The following SERHL2 variants were observed in gnomAD, a reference collection of about 807,000 sequenced individuals.
The protein encoded by SERHL2 is serine hydrolase like 2.
A neutral mutation model predicts 25.5 loss-of-function variants in SERHL2; 29 were observed. The ratio of observed to expected loss-of-function variants is 1.14; its 90% CI spans 0.85 to 1.55. The LOEUF (loss-of-function observed/expected upper bound fraction) is 1.55, where lower values mean the gene tolerates loss of function less well. Ranked by LOEUF, SERHL2 falls within the 40% of genes most tolerant of loss-of-function variation. The probability of loss-of-function intolerance (pLI) is 0.00; values close to 1 mark genes in which losing one functional copy is unlikely to be tolerated. For missense variants in SERHL2, 240 were observed against 252.3 expected, an observed-to-expected ratio of 0.95 and a Z score of 0.33; for synonymous variants, 95 against 103.5, an observed-to-expected ratio of 0.92 and a Z score of 0.50.
At position 42,571,167 on chromosome 22, in the gene SERHL2, C is replaced by T. The variant is rs1924126910; in HGVS notation, c.695C>T (p.Ser232Phe). Residue 232 changes from serine to phenylalanine, a missense_variant, in exon 10 of 12, where the codon TCC becomes TTC. Coordinates refer to ENST00000327678, the MANE Select transcript of SERHL2 (RefSeq NM_014509.5). The part of the protein sequence containing the change: ...DFISRELCAH[S>F]IRKLQAHVLL... ...ATCAGCAGGGAGCTGTGTGCGCATT[C>T]CATCAGGAAGCTGCAGGCCCATGTC... 3.1e-6 allele frequency: 5 copies of T among 1,613,492 alleles called. No individual in the cohort carries two copies. The highest frequency in any genetic ancestry group is 3.4e-6 in the Non-Finnish European group (4 of 1,179,686).
chr22:42,556,041 C>T, intron 4 of SERHL2, 23 bp from the exon 5 acceptor site: 1 of 474,508 alleles, frequency 2.1e-6, no homozygotes, highest in East Asian at 8.7e-5. Context: ...GGGAATGTCA[C>T]CCACAGCTCT....
intron 8 of SERHL2, among the ~76,000 whole-genome samples, chr22:42,561,893 G>A (rs1365192227): frequency 6.6e-6 from 1 of 151,794 alleles, no homozygotes; most frequent in Admixed American, 6.6e-5. Context: ...CCTCACGGAT[G>A]GCTGACCTAG....
At chr22:42,569,052 T>C (rs1469762641) in intron 9 of SERHL2, 1 of 151,092 alleles carries the variant, frequency 6.6e-6, no homozygotes, top group Non-Finnish European at 1.5e-5. Flanking sequence ...GGGTTAATTT[T>C]TTGTATTTTT....
At chr22:42,559,684 A>G (rs933438137) in intron 7 of SERHL2, among the ~76,000 whole-genome samples, 1 of 151,098 alleles carries the variant, frequency 6.6e-6, no homozygotes, top group Admixed American at 6.6e-5. Context: ...GCGCCACTGT[A>G]CTCCAGCCTG....
intron 8 of SERHL2, 32 bp downstream of exon 8, chr22:42,560,297 T>A: frequency 6.8e-7 from 1 of 1,477,036 alleles, no homozygotes; most frequent in Non-Finnish European, 9.5e-7. Context: ...GGCCATTTTA[T>A]ATTTGTCACT....
At chr22:42,560,457 G>A (rs1922551908) in intron 8 of SERHL2, among the ~76,000 whole-genome samples, 192 bp downstream of exon 8, 2 of 151,904 alleles carry the variant, frequency 1.3e-5, no homozygotes, top group South Asian at 4.1e-4. Context: ...AGCAACCCGG[G>A]TGAGGCCATA....
chr22:42,573,977 C>G lies in SERHL2; in HGVS notation c.867C>G (p.His289Gln), dbSNP rs763876317. Residue 289 changes from histidine to glutamine, a missense_variant, in exon 12 of 12, where the codon CAC becomes CAG. His to Gln is a conservative substitution (Grantham distance 24, BLOSUM62 0). Transcript: ENST00000327678. Reference protein sequence around the residue: ...FVEVPGNHCVHMSEPQHVASI... With the variant: ...FVEVPGNHCVQMSEPQHVASI... ...AAGTCCCAGGCAATCACTGTGTCCA[C>G]ATGAGCGAACCCCAGCACGTGGCCA... 1.9e-6 allele frequency: 3 copies of G among 1,609,580 alleles called. No individual in the cohort carries two copies. The highest frequency in any genetic ancestry group is 1.7e-5 in the Admixed American group (1 of 59,928).
At chr22:42,566,113 G>C (rs906399161) in intron 8 of SERHL2, among the ~76,000 whole-genome samples, 191 bp from the exon 9 acceptor site, 11 of 152,210 alleles carry the variant, frequency 7.2e-5, no homozygotes, top group Admixed American at 3.9e-4. Context: ...TCTGTGGCCA[G>C]GTGGCTGTGG....
At chr22:42,554,888 C>CT in intron 1 of SERHL2, 50 bp from the exon 2 acceptor site, 1 of 1,513,802 alleles carries the variant, frequency 6.6e-7, no homozygotes, top group Non-Finnish European at 9.1e-7. Context: ...GGAGCACCAG[C>CT]TTCATGGGTG....
chr22:42,568,770 G>T (rs1352442675), intron 9 of SERHL2, among the ~76,000 whole-genome samples: 2 of 151,972 alleles, frequency 1.3e-5, no homozygotes, highest in Admixed American at 1.3e-4. Flanking sequence ...TTAAAGACCA[G>T]CCTCGCCAAC....
chr22:42,573,013 G>T (rs188302851), intron 11 of SERHL2, among the ~76,000 whole-genome samples: 1 of 151,642 alleles, frequency 6.6e-6, no homozygotes, highest in Non-Finnish European at 1.5e-5. Context: ...CAGAATACCC[G>T]ACTGCCTCAT....
At chr22:42,562,170 A>G (rs1445200314) in intron 8 of SERHL2, among the ~76,000 whole-genome samples, 1 of 151,734 alleles carries the variant, frequency 6.6e-6, no homozygotes, top group Non-Finnish European at 1.5e-5. Flanking sequence ...CTAAAAGAAG[A>G]CAGTACCCAG....
chr22:42,565,985 G>A (rs1334364582), intron 8 of SERHL2, among the ~76,000 whole-genome samples: 1 of 152,048 alleles, frequency 6.6e-6, no homozygotes, highest in African/African-American at 2.4e-5. Context: ...CTAAAGGAAT[G>A]AATGAGTTTC....
chr22:42,562,928 C>T (rs918590555), intron 8 of SERHL2, among the ~76,000 whole-genome samples: 1 of 152,000 alleles, frequency 6.6e-6, no homozygotes, highest in Admixed American at 6.5e-5. Flanking sequence ...AGCGTATTCA[C>T]ACATGCCTGT....
intron 8 of SERHL2, among the ~76,000 whole-genome samples, chr22:42,562,538 G>A (rs1204688367): frequency 1.3e-5 from 2 of 151,844 alleles, no homozygotes; most frequent in African/African-American, 4.8e-5. Flanking sequence ...GGGAGGGCTC[G>A]TGGAGGACGC....
chr22:42,556,384 C>T (rs1922150953), intron 5 of SERHL2, 130 bp from the exon 6 acceptor site: 2 of 723,108 alleles, frequency 2.8e-6, no homozygotes, highest in African/African-American at 3.4e-5. Flanking sequence ...AGATTCTCCT[C>T]TGGCCTCTTG....
chr22:42,566,067 T>G (rs1193529458), intron 8 of SERHL2, among the ~76,000 whole-genome samples: 5 of 151,994 alleles, frequency 3.3e-5, no homozygotes, highest in African/African-American at 1.2e-4. Context: ...ACCGGCCCTT[T>G]GGGGTGGCCG....
intron 8 of SERHL2, 128 bp downstream of exon 8, chr22:42,560,393 C>T (rs1236884506): frequency 7.3e-6 from 5 of 689,086 alleles, no homozygotes; most frequent in Non-Finnish European, 1.0e-5. Context: ...AATCCCCCTC[C>T]TGCCTCACCC....
intron 7 of SERHL2, 48 bp from the exon 8 acceptor site, chr22:42,560,138 C>A: frequency 6.9e-7 from 1 of 1,445,048 alleles, no homozygotes; most frequent in Non-Finnish European, 9.7e-7. Context: ...TATCTGACCT[C>A]CTTTTTATTG....
Sources: gnomAD v4.1 joint callset for allele counts (sites outside exome capture counted in the v4.1 genomes callset) on GRCh38, gnomAD v4.1.1 for gene constraint, MANE v1.5 for transcripts, NCBI Gene and HGNC (gene_info 2026-07-23, HGNC 2026-07-21) for gene names.